Variants in PIK3CA observed in about 807,000 individuals in gnomAD.
PIK3CA encodes phosphatidylinositol 4,5-bisphosphate 3-kinase catalytic subunit alpha isoform.
In PIK3CA, 27 loss-of-function variants were observed where a neutral mutation model predicts 138.2. The observed-to-expected ratio is 0.20, with a 90% confidence interval of 0.14 to 0.27. The LOEUF (loss-of-function observed/expected upper bound fraction) is 0.27, where lower values mean the gene tolerates loss of function less well. PIK3CA is among the 10% of genes least tolerant of loss of function. The pLI, the probability that PIK3CA is intolerant of heterozygous loss-of-function variation, is 1.00. For synonymous variants in PIK3CA, 358 were observed against 413.2 expected (o/e 0.87, Z 1.62); for missense variants, 544 against 1,277.4 (o/e 0.43, Z 8.75).
rs763406083 is a variant in PIK3CA, at chr3:179,204,499, T to G, written c.1060-4T>G. On this transcript the variant is annotated splice_region_variant and splice_polypyrimidine_tract_variant and intron_variant, in intron 5 of 20. Transcript: ENST00000263967. ...ATTAGTATATACCTACTTTTTTCTT[T>G]TAGATCTATGTTCGAACAGGTATCT... is the stretch of plus-strand genomic sequence containing the variant. 3 of 1,488,406 alleles carry G rather than the reference T, an allele frequency of 2.0e-6. No homozygotes were observed. The highest frequency in any genetic ancestry group is 1.1e-5 in the South Asian group (1 of 88,064). The allele number at this position is 1,488,406 out of a possible 1,614,324, so 92.2% of individuals were successfully genotyped here. A position where few individuals can be genotyped will look rare whatever the true frequency, so the allele number is the denominator to read the frequency against.
chr3:179,218,536 G>GTA, intron 10 of PIK3CA, among the ~76,000 whole-genome samples: 2 of 152,150 alleles, frequency 1.3e-5, no homozygotes, highest in East Asian at 3.9e-4. Context: ...TACATTGGTA[G>GTA]TTGGCACATT....
At chr3:179,158,631 G>T (rs1368817232) in intron 1 of PIK3CA, among the ~76,000 whole-genome samples, 1 of 152,024 alleles carries the variant, frequency 6.6e-6, no homozygotes, top group Non-Finnish European at 1.5e-5. Context: ...TTGCTATGAA[G>T]TCTTTATTGA....
At chr3:179,197,678 A>T (rs912402184) in intron 1 of PIK3CA, among the ~76,000 whole-genome samples, 1 of 152,202 alleles carries the variant, frequency 6.6e-6, no homozygotes, top group Admixed American at 6.5e-5. Context: ...AATCAAATAT[A>T]GTAGGTTATC....
chr3:179,178,771 G>A (rs1322229423), intron 1 of PIK3CA, among the ~76,000 whole-genome samples: 1 of 152,078 alleles, frequency 6.6e-6, no homozygotes, highest in Non-Finnish European at 1.5e-5. Flanking sequence ...CAAAATCCAG[G>A]GGAGACCAGG....
At chr3:179,218,673 C>G (rs1310931778) in intron 10 of PIK3CA, among the ~76,000 whole-genome samples, 7 of 151,824 alleles carry the variant, frequency 4.6e-5, no homozygotes, top group Admixed American at 4.6e-4. Flanking sequence ...TAGGGGTTCC[C>G]TTTCATTTTT....
chr3:179,171,407 G>A lies in PIK3CA; in HGVS notation c.-77+22804G>A, dbSNP rs115026200. 2.9e-3 allele frequency among the ~76,000 whole-genome samples: 438 copies of A among 152,134 alleles called. 1 individual carries two copies. Among genetic ancestry groups the A allele is most frequent in the African/African-American group, 9.6e-3 (397 of 41,518 alleles). On this transcript the variant is annotated intron_variant, in intron 1 of 20. Transcript: ENST00000263967. ...AAGAAGCTAGAAAAGAAAGAGTAAAGTGTACCAAAGTAAGTAGAAGAAAGG... is the reference window on the plus strand; with the variant it reads ...AAGAAGCTAGAAAAGAAAGAGTAAAATGTACCAAAGTAAGTAGAAGAAAGG...
At chr3:179,185,430 G>A (rs1251088904) in intron 1 of PIK3CA, among the ~76,000 whole-genome samples, 1 of 152,192 alleles carries the variant, frequency 6.6e-6, no homozygotes, top group Non-Finnish European at 1.5e-5. Context: ...TCGCCAAGAA[G>A]TATATGGGGA....
intron 1 of PIK3CA, among the ~76,000 whole-genome samples, chr3:179,159,977 T>G (rs567880857): frequency 6.6e-6 from 1 of 152,170 alleles, no homozygotes; most frequent in Non-Finnish European, 1.5e-5. Flanking sequence ...ATGGTATGCA[T>G]GTATAAAGCC....
chr3:179,225,386 A>G (rs1439311844), intron 16 of PIK3CA, among the ~76,000 whole-genome samples: 1 of 152,164 alleles, frequency 6.6e-6, no homozygotes, highest in Non-Finnish European at 1.5e-5. Context: ...TATGGAGGAA[A>G]AGGCTATGGG....
chr3:179,210,214 T>A lies in PIK3CA; in HGVS notation c.1280T>A (p.Ile427Lys), dbSNP rs756193341. ...EEHCPLAWGN[I>K]NLFDYTDTLV... ...CACTGTCCATTGGCATGGGGAAATATAAACTTGTTTGATTACACAGACACT... is the reference window on the plus strand; with the variant it reads ...CACTGTCCATTGGCATGGGGAAATAAAAACTTGTTTGATTACACAGACACT... Residue 427 changes from isoleucine (I) to lysine (K), a missense_variant, in exon 8 of 21, where the codon ATA becomes AAA. Physicochemically the swap from Ile to Lys is moderately radical, Grantham distance 102. This residue lies in a region of PIK3CA where 234 missense variants were observed against 401.3 expected (regional missense o/e 0.58). Coordinates refer to ENST00000263967, the MANE Select transcript of PIK3CA (RefSeq NM_006218.4). 6.3e-7 allele frequency: 1 copy of A among 1,591,630 alleles called. No individual in the cohort carries two copies.
chr3:179,200,005 T>G, intron 3 of PIK3CA, 106 bp downstream of exon 3: 1 of 653,214 alleles, frequency 1.5e-6, no homozygotes, highest in Non-Finnish European at 2.6e-6. Context: ...GATAGTAAGC[T>G]TCTTGAAGGC....
chr3:179,161,461 C>A (rs1229851961), intron 1 of PIK3CA, among the ~76,000 whole-genome samples: 1 of 151,696 alleles, frequency 6.6e-6, no homozygotes, highest in Non-Finnish European at 1.5e-5. Context: ...CTTTGGGAGG[C>A]CGAGGCGGGC....
chr3:179,221,313 C>A (rs72563170), intron 14 of PIK3CA, among the ~76,000 whole-genome samples, 156 bp downstream of exon 14: 37 of 152,240 alleles, frequency 2.4e-4, no homozygotes, highest in African/African-American at 8.2e-4. Flanking sequence ...GTGTTAGACA[C>A]GTCATGCAGG....
rs1483574293 is a variant in PIK3CA, at chr3:179,201,450, C to T, written c.723C>T (p.Leu241=). 4 of 1,613,518 alleles carry T rather than the reference C, an allele frequency of 2.5e-6. No individual in the cohort carries two copies. The highest frequency in any genetic ancestry group is 1.3e-5 in the African/African-American group (1 of 74,830). The part of the protein sequence containing the change: ...SMLLSSEQLK[L]CVLEYQGKYI... Reference sequence around the variant, plus strand: ...TGCTATCCTCTGAACAACTAAAACTCTGTGTTTTAGAATATCAGGGCAAGT... The same window carrying T: ...TGCTATCCTCTGAACAACTAAAACTTTGTGTTTTAGAATATCAGGGCAAGT... The change falls in exon 4 of 21, where the codon CTC becomes CTT. Residue 241 remains leucine (L), a synonymous_variant. Transcript: ENST00000263967.
Position 179,234,352 on chromosome 3 carries a change from T to C in PIK3CA, c.3195T>C (p.His1065=). 1.2e-6 allele frequency: 2 copies of C among 1,606,310 alleles called. No individual in the cohort carries two copies. Among genetic ancestry groups the C allele is most frequent in the East Asian group, 2.2e-5 (1 of 44,682 alleles). Residue 1065 remains histidine, a synonymous_variant, in exon 21 of 21, where the codon CAT becomes CAC. Transcript: ENST00000263967. This position sits in a 1 kb window ranked among gnomAD's most constrained non-coding sequence, Gnocchi z 5.1. ...GGATCTTCCACACAATTAAACAGCATGCATTGAACTGAAAAGATAACTGAG... is the reference window on the plus strand; with the variant it reads ...GGATCTTCCACACAATTAAACAGCACGCATTGAACTGAAAAGATAACTGAG... ...MDWIFHTIKQ[H]ALN
At chr3:179,200,638 T>G (rs1247602867) in intron 3 of PIK3CA, among the ~76,000 whole-genome samples, 2 of 152,268 alleles carry the variant, frequency 1.3e-5, no homozygotes, top group South Asian at 4.1e-4. Flanking sequence ...ATTTTAATGC[T>G]CTTTTCATTT....
intron 1 of PIK3CA, among the ~76,000 whole-genome samples, chr3:179,180,668 G>A (rs1723818712): frequency 6.6e-6 from 1 of 152,122 alleles, no homozygotes; most frequent in Non-Finnish European, 1.5e-5. Flanking sequence ...AAGTGGTGAT[G>A]TCATGAAGAA....
Position 179,204,525 on chromosome 3 carries a change from A to G in PIK3CA, c.1082A>G (p.Tyr361Cys), listed in dbSNP as rs1724506239. The change falls in exon 6 of 21, where the codon TAC (tyrosine) becomes TGC (cysteine). Residue 361 changes from tyrosine (Y) to cysteine (C), a missense_variant. This residue lies in a region of PIK3CA where 234 missense variants were observed against 401.3 expected (regional missense o/e 0.58). Transcript: ENST00000263967. ...IDKIYVRTGI[Y>C]HGGEPLCDNV... ...TAGATCTATGTTCGAACAGGTATCT[A>G]CCATGGAGGAGAACCCTTATGTGAC... 2 of 1,584,040 alleles carry G rather than the reference A, an allele frequency of 1.3e-6. No homozygotes were observed. The highest frequency in any genetic ancestry group is 1.7e-6 in the Non-Finnish European group (2 of 1,152,874).
chr3:179,211,141 A>G (rs890456891), intron 9 of PIK3CA, among the ~76,000 whole-genome samples: 10 of 152,244 alleles, frequency 6.6e-5, no homozygotes, highest in Non-Finnish European at 1.0e-4. Context: ...ATTTACGACC[A>G]TAAAATATAC....
Sources: gnomAD v4.1 joint callset for allele counts (sites outside exome capture counted in the v4.1 genomes callset) on GRCh38, gnomAD v4.1.1 for gene constraint, gnomAD v4.1.1 regional missense constraint, Gnocchi (gnomAD v3.1) non-coding constraint, MANE v1.5 for transcripts, NCBI Gene and HGNC (gene_info 2026-07-23, HGNC 2026-07-21) for gene names.